EIF3B: variants seen among roughly 807,000 people sequenced by gnomAD.
EIF3B encodes the protein eukaryotic translation initiation factor 3 subunit 9.
In EIF3B, 10 loss-of-function variants were observed where a neutral mutation model predicts 104.6. The observed-to-expected ratio is 0.10, with a 90% CI of 0.06 to 0.16. EIF3B has a LOEUF of 0.16. Among genes scored for constraint, EIF3B ranks in the 10% least tolerant of loss-of-function variants. The pLI is 1.00. For synonymous variants in EIF3B, 542 were observed against 417.2 expected, an observed-to-expected ratio of 1.30 and a Z score of -3.65; for missense variants, 1,014 against 1,087.9, an observed-to-expected ratio of 0.93 and a Z score of 0.96.
intron 9 of EIF3B, among the ~76,000 whole-genome samples, chr7:2,367,540 G>A (rs892957638): frequency 2.6e-5 from 4 of 152,146 alleles, no homozygotes; most frequent in African/African-American, 4.8e-5. Flanking sequence ...TACGATCTTG[G>A]CTCGCTGCAA....
intron 16 of EIF3B, 115 bp downstream of exon 16, chr7:2,378,881 T>A: frequency 2.1e-6 from 2 of 972,942 alleles, no homozygotes; most frequent in South Asian, 1.4e-5. Context: ...CCGAAGACAC[T>A]GGTTCTGTTC....
chr7:2,360,840 C>G lies in EIF3B; in HGVS notation c.630C>G (p.Ile210Met). 1 of 1,613,850 alleles carries G rather than the reference C, an allele frequency of 6.2e-7. No individual in the cohort carries two copies. The highest frequency in any genetic ancestry group is 8.5e-7 in the Non-Finnish European group (1 of 1,179,790). The stretch of plus-strand genomic sequence containing the variant: ...AACTCAAAAATGTCATCCACAAGAT[C>G]TTTTCCAAGTTTGGGAAAATCACAA... ...LEKLKNVIHK[I>M]FSKFGKITND... Residue 210 changes from isoleucine (I) to methionine (M), a missense_variant, in exon 2 of 19, where the codon ATC becomes ATG. Transcript: ENST00000360876.
At position 2,369,489 on chromosome 7, in the gene EIF3B, C is replaced by T; in HGVS notation, c.1421C>T (p.Pro474Leu). The change falls in exon 10 of 19, where the codon CCT becomes CTT. Residue 474 changes from proline (P) to leucine (L), a missense_variant. By Grantham distance (98) the Pro-to-Leu change is moderately conservative. Transcript: ENST00000360876. ...ISGIKDFSWS[P>L]GGNIIAFWVP... ...TTCTGCAGAGACTTTTCTTGGTCTC[C>T]TGGTGGTAACATAATCGCCTTCTGG... The T allele has an allele frequency of 6.2e-7, 1 of 1,614,196 alleles. No homozygotes were observed. Among genetic ancestry groups the T allele is most frequent in the Non-Finnish European group, 8.5e-7 (1 of 1,180,042 alleles).
chr7:2,364,818 T>A (rs1583161085), intron 6 of EIF3B, among the ~76,000 whole-genome samples: 1 of 152,368 alleles, frequency 6.6e-6, no homozygotes, highest in East Asian at 1.9e-4. Context: ...GACCATAGTG[T>A]GGGTACTGAC....
At chr7:2,377,248 C>T (rs1780684585) in intron 15 of EIF3B, among the ~76,000 whole-genome samples, 173 bp downstream of exon 15, 1 of 152,192 alleles carries the variant, frequency 6.6e-6, no homozygotes, top group Admixed American at 6.5e-5. Flanking sequence ...AATAGAACAG[C>T]TTTAGGATAG....
At chr7:2,374,103 A>C (rs1780508643) in intron 12 of EIF3B, 1 of 155,178 alleles carries the variant, frequency 6.4e-6, no homozygotes, top group African/African-American at 2.4e-5. Context: ...AGTAAGAGTT[A>C]GTACCTGCAA....
chr7:2,379,620 G>A (rs1044168697), intron 18 of EIF3B, 109 bp downstream of exon 18: 23 of 737,684 alleles, frequency 3.1e-5, no homozygotes, highest in Non-Finnish European at 4.8e-5. Flanking sequence ...GAAGGGTGAA[G>A]CCCTAGTGTC....
At chr7:2,377,375 T>G (rs572733006) in intron 15 of EIF3B, among the ~76,000 whole-genome samples, 1 of 152,366 alleles carries the variant, frequency 6.6e-6, no homozygotes, top group South Asian at 2.1e-4. Context: ...GTCTGGGATT[T>G]ACATTATTGT....
intron 5 of EIF3B, 91 bp downstream of exon 5, chr7:2,363,851 A>G (rs1027022294): frequency 6.3e-6 from 9 of 1,428,172 alleles, no homozygotes; most frequent in African/African-American, 1.4e-5. Context: ...AAACTGGAAG[A>G]GCAGGTGACG....
At chr7:2,377,485 C>T (rs565694696) in intron 15 of EIF3B, among the ~76,000 whole-genome samples, 1 of 140,452 alleles carries the variant, frequency 7.1e-6, no homozygotes, top group African/African-American at 2.7e-5. Flanking sequence ...GGAGCAGGCA[C>T]GAGCGCTCCT....
At chr7:2,363,013 G>A (rs1779822152) in intron 3 of EIF3B, 57 bp from the exon 4 acceptor site, 14 of 1,590,892 alleles carry the variant, frequency 8.8e-6, no homozygotes, top group East Asian at 2.2e-5. Flanking sequence ...GAGCCCCCAC[G>A]AGTTGCTCTT....
intron 9 of EIF3B, among the ~76,000 whole-genome samples, chr7:2,368,707 C>G (rs1026139527): frequency 6.6e-6 from 1 of 152,240 alleles, no homozygotes. Flanking sequence ...TTTCCTGGTA[C>G]TCTTCCATCC....
chr7:2,378,832 CG>C, intron 16 of EIF3B, 66 bp downstream of exon 16: 1 of 1,396,140 alleles, frequency 7.2e-7, no homozygotes, highest in Non-Finnish European at 1.0e-6. Flanking sequence ...GGCGGGGCTG[CG>C]GGGAGCTGCT....
At chr7:2,366,771 C>A in intron 8 of EIF3B, 180 bp downstream of exon 8, 1 of 818,274 alleles carries the variant, frequency 1.2e-6, no homozygotes, top group Non-Finnish European at 1.9e-6. Flanking sequence ...GTCACTCCTG[C>A]CCACCTGGCG....
Position 2,366,532 on chromosome 7 carries a change from C to A in EIF3B, c.1297C>A (p.His433Asn). The A allele has an allele frequency of 6.2e-7, 1 of 1,614,116 alleles. No homozygotes were observed. Among genetic ancestry groups the A allele is most frequent in the Non-Finnish European group, 8.5e-7 (1 of 1,180,022 alleles). Residue 433 changes from histidine (H) to asparagine (N), a missense_variant, in exon 8 of 19, where the codon CAT becomes AAT. Transcript: ENST00000360876. The part of the protein sequence containing the change: ...SAHWPIFKWS[H>N]DGKFFARMTL... ...CACTTTTGTTTTTCTTAGGTGGAGC[C>A]ATGATGGCAAATTCTTTGCCAGAAT...
chr7:2,374,368 T>C, intron 12 of EIF3B, 160 bp from the exon 13 acceptor site: 1 of 608,114 alleles, frequency 1.6e-6, no homozygotes, highest in East Asian at 2.6e-5. Flanking sequence ...ACTTAGGGGG[T>C]ACTTGGCGAT....
rs1211975857 is a variant in EIF3B at position 2,355,200 on chromosome 7, C to A, written c.279C>A (p.Pro93=). 1 of 1,486,992 alleles carries A rather than the reference C, an allele frequency of 6.7e-7. No homozygotes were observed. The allele number at this position is 1,486,992 out of a possible 1,614,324, so 92.1% of individuals were successfully genotyped here. The change falls in exon 1 of 19, where the codon CCC becomes CCA. Residue 93 remains proline, a synonymous_variant. Coordinates refer to ENST00000360876, the MANE Select transcript of EIF3B (RefSeq NM_001037283.2). ...CGCCGCCGGCCGCCGAGGAGCTGCC[C>A]GGGTCGCATGCTGAGCCCCCTGTCC... The part of the protein sequence containing the change: ...SPSPPAAEEL[P]GSHAEPPVPA...
rs1158217227 is a variant in EIF3B at position 2,377,078 on chromosome 7, C to T, written c.2154+3C>T. 1.6e-5 allele frequency: 25 copies of T among 1,603,226 alleles called. No homozygotes were observed. The highest frequency in any genetic ancestry group is 2.2e-5 in the East Asian group (1 of 44,558). On this transcript the variant is annotated splice_donor_region_variant and intron_variant, in intron 15 of 18. Coordinates refer to ENST00000360876, the MANE Select transcript of EIF3B (RefSeq NM_001037283.2). The stretch of plus-strand genomic sequence containing the variant: ...TCCTGAGCCAGGAACAGATCAAGGT[C>T]AGCATGCCCCCACCCCCGGGTGCAG...
intron 2 of EIF3B, 28 bp downstream of exon 2, chr7:2,360,930 C>G (rs537953065): frequency 1.3e-6 from 2 of 1,562,412 alleles, no homozygotes; most frequent in Non-Finnish European, 1.8e-6. Flanking sequence ...GGAGAAGTAT[C>G]ATCTGTGTCT....
Sources: allele counts gnomAD v4.1 joint callset (sites outside exome capture counted in the v4.1 genomes callset), GRCh38; gene constraint gnomAD v4.1.1; transcripts MANE v1.5; gene names NCBI Gene and HGNC (gene_info 2026-07-23, HGNC 2026-07-21).